The following COXFA4L3 variants were observed in gnomAD, a reference collection of about 807,000 sequenced individuals.
COXFA4L3 encodes the protein MIR147B host.
At chr15:45,431,445 T>C in the COXFA4L3 span, 267 of 184,548 alleles carry the variant, frequency 1.4e-3, no homozygotes, top group African/African-American at 6.1e-3. Flanking sequence ...TCAGTGGTTT[T>C]GGGAGATATA....
At chr15:45,432,965 A>G in the COXFA4L3 span, 8 of 1,613,720 alleles carry the variant, frequency 5.0e-6, no homozygotes, top group Non-Finnish European at 5.1e-6. Context: ...CAATCAACCA[A>G]CAATGGAAAC....
At chr15:45,430,707 C>A in the COXFA4L3 span, 2 of 1,307,838 alleles carry the variant, frequency 1.5e-6, no homozygotes, top group South Asian at 1.3e-5. Flanking sequence ...AGTTGGCCTG[C>A]GGAGCGCGGT....
At chr15:45,432,873 A>T in the COXFA4L3 span, 1 of 1,287,678 alleles carries the variant, frequency 7.8e-7, no homozygotes, top group Non-Finnish European at 1.1e-6. Flanking sequence ...GTGTGGACAA[A>T]TCCGAAAGAG....
chr15:45,432,179 A>G, the COXFA4L3 span: 12 of 1,522,264 alleles, frequency 7.9e-6, no homozygotes, highest in East Asian at 2.5e-4. Flanking sequence ...CCCAAACCTT[A>G]GCACCTTTGT....
the COXFA4L3 span, chr15:45,430,796 C>T: frequency 1.9e-6 from 3 of 1,612,086 alleles, no homozygotes; most frequent in South Asian, 2.2e-5. Flanking sequence ...CTGAAGTCAT[C>T]ATGAGCTTTT....
the COXFA4L3 span, chr15:45,432,919 G>T: frequency 2.5e-6 from 3 of 1,208,870 alleles, no homozygotes; most frequent in Non-Finnish European, 3.4e-6. Context: ...TTAACAAAAG[G>T]TTTTTTTTTT....
At chr15:45,430,755 A>G in the COXFA4L3 span, 12 of 1,598,810 alleles carry the variant, frequency 7.5e-6, no homozygotes, top group African/African-American at 1.4e-5. Context: ...AATACTTTGG[A>G]TTTTTAATTT....
chr15:45,430,658 G>C, the COXFA4L3 span: 1 of 723,086 alleles, frequency 1.4e-6, no homozygotes, highest in South Asian at 1.8e-5. Context: ...GCGTCCAGGT[G>C]AGTCTCCCAT....
chr15:45,431,077 C>G, the COXFA4L3 span: 8 of 1,613,818 alleles, frequency 5.0e-6, no homozygotes, highest in Non-Finnish European at 6.8e-6. Context: ...CTTTGGAAAA[C>G]CGATGTGATG....
At chr15:45,430,706 G>C in the COXFA4L3 span, 1 of 1,305,954 alleles carries the variant, frequency 7.7e-7, no homozygotes, top group East Asian at 2.3e-5. Context: ...CAGTTGGCCT[G>C]CGGAGCGCGG....
At chr15:45,432,314 A>G in the COXFA4L3 span, among the ~76,000 whole-genome samples, 1 of 152,230 alleles carries the variant, frequency 6.6e-6, no homozygotes, top group South Asian at 2.1e-4. Context: ...CCATCCACTC[A>G]TGAGAAGCAT....
chr15:45,430,936 T>C, the COXFA4L3 span: 2 of 1,569,188 alleles, frequency 1.3e-6, no homozygotes, highest in Non-Finnish European at 1.7e-6. Context: ...ACAGTTGTTT[T>C]GCTGTGTTTC....
the COXFA4L3 span, chr15:45,433,053 A>C: frequency 6.4e-7 from 1 of 1,568,234 alleles, no homozygotes; most frequent in Non-Finnish European, 8.8e-7. Context: ...AGTACTCTAT[A>C]AATCTAGTGG....
the COXFA4L3 span, chr15:45,431,261 T>C: frequency 4.4e-6 from 2 of 456,448 alleles, no homozygotes; most frequent in Non-Finnish European, 7.7e-6. Flanking sequence ...TGTCTACCAA[T>C]GGGTCAGAAA....
chr15:45,431,303 A>T, the COXFA4L3 span: 12,110 of 441,000 alleles, frequency 0.027, 1,337 homozygotes, highest in African/African-American at 0.23. Flanking sequence ...GAAAAAATTT[A>T]AAAAAACCCA....
At chr15:45,432,988 T>G in the COXFA4L3 span, 1 of 1,614,104 alleles carries the variant, frequency 6.2e-7, no homozygotes, top group Non-Finnish European at 8.5e-7. Context: ...ATTGAAGAGT[T>G]GCAAAATGTC....
At chr15:45,432,762 G>A in the COXFA4L3 span, among the ~76,000 whole-genome samples, 1 of 152,204 alleles carries the variant, frequency 6.6e-6, no homozygotes, top group African/African-American at 2.4e-5. Context: ...TTTGTAAAAA[G>A]ATGGACTGAT....
At chr15:45,431,304 A>T in the COXFA4L3 span, 1 of 442,136 alleles carries the variant, frequency 2.3e-6, no homozygotes, top group Non-Finnish European at 4.0e-6. Flanking sequence ...AAAAAATTTA[A>T]AAAAACCCAT....
At chr15:45,432,005 A>C in the COXFA4L3 span, 2 of 1,388,874 alleles carry the variant, frequency 1.4e-6, no homozygotes, top group Non-Finnish European at 1.0e-6. Context: ...ACATGTTTAT[A>C]AACCCAGTAT....
Sources: gnomAD v4.1 joint callset for allele counts (sites outside exome capture counted in the v4.1 genomes callset) on GRCh38, gnomAD v4.1.1 for gene constraint, MANE v1.5 for transcripts, NCBI Gene and HGNC (gene_info 2026-07-23, HGNC 2026-07-21) for gene names.